The following TRPM1 variants were observed in gnomAD, a reference collection of about 807,000 sequenced individuals.
The protein encoded by TRPM1 is TRPM1-203 APA Isoform, Intron 10.
TRPM1 carries 113 observed loss-of-function variants against 149.4 expected under a neutral mutation model. That is an observed-to-expected ratio of 0.76 (90% confidence interval 0.65 to 0.88). The LOEUF (loss-of-function observed/expected upper bound fraction) is 0.88. Ranked by LOEUF, TRPM1 falls within the 40% of genes least tolerant of loss-of-function variation. TRPM1 has a pLI of 0.00. For synonymous variants in TRPM1, 741 were observed against 759.5 expected (o/e 0.98, Z 0.40); for missense variants, 1,976 against 2,038.7 (o/e 0.97, Z 0.59).
intron 27 of TRPM1, among the ~76,000 whole-genome samples, chr15:31,021,539 T>C (rs2032550759): frequency 6.6e-6 from 1 of 151,844 alleles, no homozygotes; most frequent in Non-Finnish European, 1.5e-5. Flanking sequence ...CTACAAAATA[T>C]GCAAAAATTA....
intron 1 of TRPM1, among the ~76,000 whole-genome samples, chr15:31,150,036 T>C (rs557726749): frequency 1.3e-5 from 2 of 152,312 alleles, no homozygotes; most frequent in South Asian, 4.1e-4. Context: ...GTGCAGGAAG[T>C]AAGGGGTAAA....
chr15:31,018,228 T>G (rs2032437660), intron 27 of TRPM1, among the ~76,000 whole-genome samples: 1 of 151,630 alleles, frequency 6.6e-6, no homozygotes, highest in Non-Finnish European at 1.5e-5. Context: ...TTTTTGAATT[T>G]TTAGTACAGA....
chr15:31,006,695 C>A (rs1377309951), intron 27 of TRPM1, among the ~76,000 whole-genome samples: 1 of 152,196 alleles, frequency 6.6e-6, no homozygotes, highest in Non-Finnish European at 1.5e-5. Flanking sequence ...AGCAACTGCC[C>A]AACCATTTTT....
At chr15:31,072,010 T>TAGAGAGAG (rs1390003241) in intron 3 of TRPM1, among the ~76,000 whole-genome samples, 5 of 30,066 alleles carry the variant, frequency 1.7e-4, no homozygotes, top group African/African-American at 4.2e-4. Context: ...TATATATATA[T>TAGAGAGAG]ATATATATAG....
chr15:31,097,131 C>T (rs2035403386), intron 1 of TRPM1, among the ~76,000 whole-genome samples: 1 of 152,150 alleles, frequency 6.6e-6, no homozygotes, highest in Admixed American at 6.6e-5. Flanking sequence ...GGGGTCTTTT[C>T]TGAGTGTTTT....
intron 1 of TRPM1, among the ~76,000 whole-genome samples, chr15:31,081,900 T>C (rs1266952367): frequency 2.0e-5 from 3 of 152,088 alleles, no homozygotes; most frequent in African/African-American, 7.2e-5. Flanking sequence ...GGGGAGGAGC[T>C]TGGTCTCCTG....
rs1306726395 is a variant in TRPM1, at chr15:31,158,196, AGTTTTTGT to A, written c.54+2702_54+2709del. 4.6e-5 allele frequency among the ~76,000 whole-genome samples: 7 copies of A among 152,092 alleles called. 1 individual carries two copies. The highest frequency in any genetic ancestry group is 1.7e-4 in the African/African-American group (7 of 41,404). On this transcript the variant is annotated intron_variant, in intron 1 of 26. Transcript: ENST00000542188. ...GCCATCAAGGTTCTTAACTCCTACA[AGTTTTTGT>A]AGGAGTTTGGCATGCACCACTGTTA...
At chr15:31,097,433 A>G (rs1024066028) in intron 1 of TRPM1, among the ~76,000 whole-genome samples, 13 of 152,194 alleles carry the variant, frequency 8.5e-5, no homozygotes, top group Admixed American at 7.9e-4. Context: ...CAAAGGGTGC[A>G]TGCCTGTCTT....
chr15:31,087,907 G>C (rs2140992877), intron 1 of TRPM1, among the ~76,000 whole-genome samples: 1 of 152,284 alleles, frequency 6.6e-6, no homozygotes, highest in Non-Finnish European at 1.5e-5. Context: ...GAGTTCTGGG[G>C]ATTGGTCGCA....
intron 11 of TRPM1, among the ~76,000 whole-genome samples, chr15:31,053,009 C>T (rs2033986891): frequency 6.6e-6 from 1 of 152,108 alleles, no homozygotes; most frequent in African/African-American, 2.4e-5. Context: ...TATATTTGTA[C>T]ATCATGTATA....
intron 27 of TRPM1, among the ~76,000 whole-genome samples, chr15:31,016,009 T>G (rs2032344332): frequency 1.3e-5 from 2 of 152,128 alleles, no homozygotes; most frequent in Non-Finnish European, 1.5e-5. Context: ...TGACCCCAGC[T>G]GTGAGAAAAC....
At chr15:31,004,181 G>C (rs1044589104) in intron 27 of TRPM1, among the ~76,000 whole-genome samples, 3 of 151,832 alleles carry the variant, frequency 2.0e-5, no homozygotes, top group African/African-American at 7.3e-5. Context: ...GGGAGACTTG[G>C]CTTGCATTGC....
chr15:31,031,967 G>A (rs1252000871), intron 22 of TRPM1, among the ~76,000 whole-genome samples: 2 of 151,094 alleles, frequency 1.3e-5, no homozygotes, highest in Admixed American at 6.6e-5. Context: ...CTTTGTCTCC[G>A]GCTTCTACCA....
intron 11 of TRPM1, among the ~76,000 whole-genome samples, chr15:31,056,810 G>A (rs2034098961): frequency 6.6e-6 from 1 of 152,158 alleles, no homozygotes; most frequent in African/African-American, 2.4e-5. Flanking sequence ...GTAGCAAGAA[G>A]GCCCTGACAA....
At chr15:31,076,532 A>C (rs1384067008) in intron 3 of TRPM1, among the ~76,000 whole-genome samples, 1 of 152,226 alleles carries the variant, frequency 6.6e-6, no homozygotes, top group Non-Finnish European at 1.5e-5. Context: ...AACCGCTCAG[A>C]TCTTTCCTGT....
chr15:31,026,514 T>C (rs935867106), intron 26 of TRPM1, among the ~76,000 whole-genome samples: 1 of 152,192 alleles, frequency 6.6e-6, no homozygotes, highest in African/African-American at 2.4e-5. Flanking sequence ...ACTGGGAAAG[T>C]AAAGCCAAGT....
chr15:31,098,994 A>G (rs2035456434), intron 1 of TRPM1, among the ~76,000 whole-genome samples: 1 of 152,176 alleles, frequency 6.6e-6, no homozygotes. Flanking sequence ...TTCCCCACTT[A>G]GCAATTGAAG....
chr15:31,052,035 G>T (rs1457475461), intron 11 of TRPM1, among the ~76,000 whole-genome samples: 1 of 152,108 alleles, frequency 6.6e-6, no homozygotes, highest in Non-Finnish European at 1.5e-5. Flanking sequence ...TCTGATTCTT[G>T]CCTTCTTCTT....
chr15:31,139,388 G>C (rs187920244), intron 1 of TRPM1, among the ~76,000 whole-genome samples: 1 of 152,144 alleles, frequency 6.6e-6, no homozygotes, highest in Non-Finnish European at 1.5e-5. Flanking sequence ...GACATTAATA[G>C]TCTAAACAGG....
Sources: allele counts gnomAD v4.1 joint callset (sites outside exome capture counted in the v4.1 genomes callset), GRCh38; gene constraint gnomAD v4.1.1; transcripts MANE v1.5; gene names NCBI Gene and HGNC (gene_info 2026-07-23, HGNC 2026-07-21).